TP53BP1: variants seen among roughly 807,000 people sequenced by gnomAD.
TP53BP1 encodes TP53-binding protein 1.
In TP53BP1, 61 loss-of-function variants were observed where a neutral mutation model predicts 200.8. The ratio of observed to expected loss-of-function variants is 0.30; its 90% CI spans 0.25 to 0.38. The LOEUF (loss-of-function observed/expected upper bound fraction) is 0.38. Among genes scored for constraint, TP53BP1 ranks in the 10% least tolerant of loss-of-function variants. The pLI is 1.00. For synonymous variants in TP53BP1, 822 were observed against 844.3 expected, an observed-to-expected ratio of 0.97 and a Z score of 0.46; for missense variants, 2,144 against 2,371.9, an observed-to-expected ratio of 0.90 and a Z score of 2.00.
chr15:43,493,558 A>AGG (rs1348383503), upstream of TP53BP1, among the ~76,000 whole-genome samples: 1 of 107,566 alleles, frequency 9.3e-6, no homozygotes, highest in Non-Finnish European at 1.6e-5. Context: ...AAGCGGCTTG[A>AGG]GGATGGCTAG....
In TP53BP1 at chr15:43,468,095, C is replaced by CT. The variant is rs1001405038; in HGVS notation, c.1389+1762dup. On this transcript the variant is annotated intron_variant, in intron 11 of 27. Transcript: ENST00000382044. ...CCACCACACCTGGTCAGATTTATAA[C>CT]TTTTTTTTTTTTTGAGACAGGGTCT... is the stretch of plus-strand genomic sequence containing the variant. Among the ~76,000 whole-genome samples, 446 of 146,014 alleles carry CT rather than the reference C, an allele frequency of 3.1e-3. 1 individual carries two copies. Among genetic ancestry groups the CT allele is most frequent in the Middle Eastern group, 7.2e-3 (2 of 278 alleles).
chr15:43,506,205 G>A (rs1426181266), intron 1 of TP53BP1, among the ~76,000 whole-genome samples: 1 of 152,188 alleles, frequency 6.6e-6, no homozygotes, highest in Non-Finnish European at 1.5e-5. Flanking sequence ...AATTCAAGAT[G>A]AGTGCAACTA....
rs549690841 is a variant in TP53BP1, at chr15:43,422,025, G to T, written c.3930C>A (p.Phe1310Leu). 8 of 1,614,110 alleles carry T rather than the reference G, an allele frequency of 5.0e-6. No homozygotes were observed. Among genetic ancestry groups the T allele is most frequent in the Non-Finnish European group, 6.8e-6 (8 of 1,180,048 alleles). Residue 1310 changes from phenylalanine (F) to leucine (L), a missense_variant, in exon 19 of 28, where the codon TTC (phenylalanine) becomes TTA (leucine). Phe to Leu is a conservative substitution (Grantham distance 22). Transcript: ENST00000382044. ...GGTGTAAGCTGGATGCCTTGGAGGAGAAGGAGCTGATATCCCCCAGGTCAC... is the reference window on the plus strand; with the variant it reads ...GGTGTAAGCTGGATGCCTTGGAGGATAAGGAGCTGATATCCCCCAGGTCAC... Reference protein sequence around the residue: ...SSGDLGDISSFSSKASSLHRT... With the variant: ...SSGDLGDISSLSSKASSLHRT...
At chr15:43,491,216 G>A (rs1340024497) in intron 4 of TP53BP1, among the ~76,000 whole-genome samples, 2 of 152,114 alleles carry the variant, frequency 1.3e-5, no homozygotes, top group Middle Eastern at 3.4e-3. Context: ...GAATAGCTGG[G>A]ATTACAGGCA....
Position 43,446,526 on chromosome 15 carries a change from C to T in TP53BP1, c.2901G>A (p.Glu967=), listed in dbSNP as rs1178863086. Residue 967 remains glutamate, a synonymous_variant, in exon 14 of 28, where the codon GAG becomes GAA. Transcript: ENST00000382044. ...CACTCCCAAGTATGGGATCATGGGT[C>T]TCCACCATGCTTTCAGACATGACAT... is the stretch of plus-strand genomic sequence containing the variant. ...TSDVMSESMV[E]THDPILGSGK... 6.2e-7 allele frequency: 1 copy of T among 1,614,032 alleles called. No homozygotes were observed. The highest frequency in any genetic ancestry group is 2.2e-5 in the East Asian group (1 of 44,890).
intron 12 of TP53BP1, among the ~76,000 whole-genome samples, chr15:43,453,787 C>T (rs540239050): frequency 9.9e-5 from 15 of 151,706 alleles, no homozygotes; most frequent in Non-Finnish European, 2.2e-4. Flanking sequence ...TCAGGTGACC[C>T]GCCCGCCTTG....
Position 43,413,271 on chromosome 15 carries a change from G to C in TP53BP1, c.5153C>G (p.Ser1718Cys). Residue 1718 changes from serine (S) to cysteine (C), a missense_variant, in exon 24 of 28, where the codon TCT (serine) becomes TGT (cysteine). Physicochemically the swap from Ser to Cys is moderately radical, Grantham distance 112. This residue lies in a region of TP53BP1 where 334 missense variants were observed against 453.4 expected (regional missense o/e 0.74). Coordinates refer to ENST00000382044, the MANE Select transcript of TP53BP1 (RefSeq NM_001141980.3). Reference protein sequence around the residue: ...CESGDNTGEPSALEEQRGPLP... With the variant: ...CESGDNTGEPCALEEQRGPLP... ...AGGCCCTCTCTGCTCTTCCAGGGCA[G>C]AGGGTTCACCGGTGTTGTCTCCACT... is the stretch of plus-strand genomic sequence containing the variant. 1 of 1,614,222 alleles carries C rather than the reference G, an allele frequency of 6.2e-7. No individual in the cohort carries two copies. Among genetic ancestry groups the C allele is most frequent in the Non-Finnish European group, 8.5e-7 (1 of 1,180,040 alleles).
chr15:43,478,859 A>G (rs1234752987), intron 7 of TP53BP1, among the ~76,000 whole-genome samples: 1 of 152,208 alleles, frequency 6.6e-6, no homozygotes, highest in African/African-American at 2.4e-5. Context: ...CAAAGATCAC[A>G]AAGGAGGAGT....
chr15:43,507,945 G>C (rs1471948170), intron 1 of TP53BP1, among the ~76,000 whole-genome samples: 1 of 151,910 alleles, frequency 6.6e-6, no homozygotes. Flanking sequence ...GAACTTCTGG[G>C]CTCAAGCAAT....
At chr15:43,496,944 A>G (rs1438880244), upstream of TP53BP1, among the ~76,000 whole-genome samples, 1 of 152,130 alleles carries the variant, frequency 6.6e-6, no homozygotes, top group Non-Finnish European at 1.5e-5. Context: ...TATAGAAGTA[A>G]TCAAATCTTC....
chr15:43,419,491 C>G (rs887957318), intron 21 of TP53BP1, among the ~76,000 whole-genome samples: 1 of 148,930 alleles, frequency 6.7e-6, no homozygotes, highest in Non-Finnish European at 1.5e-5. Flanking sequence ...TCCTGAGTAG[C>G]TACGACAACA....
intron 11 of TP53BP1, among the ~76,000 whole-genome samples, chr15:43,461,500 G>T (rs1251417706): frequency 6.6e-6 from 1 of 152,120 alleles, no homozygotes. Flanking sequence ...TTACGGGCAT[G>T]AGCTACCTCG....
chr15:43,433,347 T>C (rs1276424526), intron 16 of TP53BP1, among the ~76,000 whole-genome samples: 1 of 152,222 alleles, frequency 6.6e-6, no homozygotes, highest in African/African-American at 2.4e-5. Context: ...CGTTCCTTTA[T>C]TCCACAAGCA....
Position 43,404,499 on chromosome 15 carries a change from G to C in TP53BP1, c.*2884C>G. ...TCAACTCAGATTTGGCTCAACTACT[G>C]TTACGACTAGATTATAACAAATACT... On this transcript the variant is annotated 3_prime_UTR_variant, in exon 28 of 28. Transcript: ENST00000382044. 6.2e-7 allele frequency: 1 copy of C among 1,614,112 alleles called. No homozygotes were observed. Among genetic ancestry groups the C allele is most frequent in the Non-Finnish European group, 8.5e-7 (1 of 1,180,018 alleles).
chr15:43,491,328 G>A (rs1027172942), intron 4 of TP53BP1, among the ~76,000 whole-genome samples: 7 of 152,012 alleles, frequency 4.6e-5, no homozygotes, highest in African/African-American at 1.2e-4. Flanking sequence ...TGATCCATCC[G>A]CCTCAGCCTC....
At chr15:43,493,362 C>T (rs2079156649), upstream of TP53BP1, among the ~76,000 whole-genome samples, 1 of 152,128 alleles carries the variant, frequency 6.6e-6, no homozygotes, top group Admixed American at 6.5e-5. Context: ...TATCCTTGAA[C>T]CGAAGGGACC....
chr15:43,503,980 A>G (rs2079223333), intron 1 of TP53BP1, among the ~76,000 whole-genome samples: 1 of 152,202 alleles, frequency 6.6e-6, no homozygotes, highest in African/African-American at 2.4e-5. Context: ...GGTAATCAAG[A>G]GACAATTTAA....
At chr15:43,495,326 C>T (rs951071579), upstream of TP53BP1, among the ~76,000 whole-genome samples, 2 of 142,892 alleles carry the variant, frequency 1.4e-5, no homozygotes, top group African/African-American at 2.6e-5. Context: ...AGTGAAACCC[C>T]GCCTCTACTA....
chr15:43,451,756 CCA>C (rs1444863584), intron 12 of TP53BP1, among the ~76,000 whole-genome samples: 3 of 152,178 alleles, frequency 2.0e-5, no homozygotes, highest in African/African-American at 7.2e-5. Flanking sequence ...TGAGGAATCG[CCA>C]CAGTGACTTC....
Sources: gnomAD v4.1 joint callset for allele counts (sites outside exome capture counted in the v4.1 genomes callset) on GRCh38, gnomAD v4.1.1 for gene constraint, gnomAD v4.1.1 regional missense constraint, MANE v1.5 for transcripts, NCBI Gene and HGNC (gene_info 2026-07-23, HGNC 2026-07-21) for gene names.